The following LTN1 variants were observed in gnomAD, a reference collection of about 807,000 sequenced individuals.
LTN1 encodes the protein listerin E3 ubiquitin protein ligase 1, also known as E3 ubiquitin-protein ligase listerin.
LTN1 carries 88 observed loss-of-function variants against 201.2 expected under a neutral mutation model. That is an observed-to-expected ratio of 0.44 (90% CI 0.37 to 0.52). The LOEUF (loss-of-function observed/expected upper bound fraction) is 0.52. LTN1 is among the 20% of genes least tolerant of loss of function. The pLI is 0.00. For missense variants in LTN1, 1,752 were observed against 2,038.7 expected, an observed-to-expected ratio of 0.86 and a Z score of 2.71; for synonymous variants, 645 against 713.5, an observed-to-expected ratio of 0.90 and a Z score of 1.53.
intron 6 of LTN1, among the ~76,000 whole-genome samples, chr21:28,976,544 G>A (rs1331358206): frequency 6.7e-6 from 1 of 149,710 alleles, no homozygotes; most frequent in Non-Finnish European, 1.5e-5. Context: ...AGGTTGCAGT[G>A]AGCCAAGATG....
chr21:28,984,563 G>A, intron 4 of LTN1, 129 bp downstream of exon 4: 1 of 569,634 alleles, frequency 1.8e-6, no homozygotes, highest in Non-Finnish European at 3.0e-6. Flanking sequence ...TTTTAAAAAG[G>A]CAACCTTCAG....
Position 28,972,619 on chromosome 21 carries a change from C to T in LTN1, c.811-1175G>A, listed in dbSNP as rs184230910. Among the ~76,000 whole-genome samples, 133 of 152,090 alleles carry T rather than the reference C, an allele frequency of 8.7e-4. 1 individual carries two copies. Among genetic ancestry groups the T allele is most frequent in the Non-Finnish European group, 1.5e-3 (105 of 68,008 alleles). Reference sequence around the variant, plus strand: ...AGAAGACCGAGCAAAAGAAATTATCCGCAAAGCATCATGGAGAGACAAAAA... The same window carrying T: ...AGAAGACCGAGCAAAAGAAATTATCTGCAAAGCATCATGGAGAGACAAAAA... On this transcript the variant is annotated intron_variant, in intron 6 of 29. Transcript: ENST00000361371.
intron 6 of LTN1, among the ~76,000 whole-genome samples, chr21:28,971,717 G>A (rs1382396056): frequency 1.3e-5 from 2 of 152,090 alleles, no homozygotes; most frequent in Non-Finnish European, 2.9e-5. Flanking sequence ...GCCTTCATTT[G>A]GGGCCTCCAT....
At chr21:28,992,546 G>A (rs1292460608) in intron 1 of LTN1, among the ~76,000 whole-genome samples, 2 of 152,208 alleles carry the variant, frequency 1.3e-5, no homozygotes, top group Non-Finnish European at 2.9e-5. Flanking sequence ...GATGAGGACA[G>A]CTCTGGCATG....
chr21:28,946,490 C>A (rs1247506821), intron 19 of LTN1, among the ~76,000 whole-genome samples: 3 of 152,134 alleles, frequency 2.0e-5, no homozygotes, highest in African/African-American at 7.2e-5. Flanking sequence ...CAGCACCTAG[C>A]ACACAATAGA....
chr21:28,971,439 G>C lies in LTN1; in HGVS notation c.816C>G (p.Arg272=), dbSNP rs2084574150. The change falls in exon 7 of 30, where the codon CGC becomes CGG. Residue 272 remains arginine (R), a synonymous_variant. Coordinates refer to ENST00000361371, the MANE Select transcript of LTN1 (RefSeq NM_015565.3). ...CAGAGACTAACTCAAAATAAGCTGA[G>C]CGAATCTAAAAGAATGCAAAGCTGA... is the stretch of plus-strand genomic sequence containing the variant. ...KYGKHSVPQI[R]SAYFELVSAL... is the part of the protein sequence containing the mutation. 1 of 1,612,038 alleles carries C rather than the reference G, an allele frequency of 6.2e-7. No homozygotes were observed. Among genetic ancestry groups the C allele is most frequent in the African/African-American group, 1.3e-5 (1 of 74,852 alleles).
chr21:28,947,612 T>TA lies in LTN1; in HGVS notation c.3345-7dup. ...CTTCAGTTAGTGGAAAAAAACTGTT[T>TA]AAAGAAAAAAAAAACACAAGTTAGA... On this transcript the variant is annotated splice_polypyrimidine_tract_variant and splice_region_variant and intron_variant, in intron 18 of 29. Transcript: ENST00000361371. The TA allele has an allele frequency of 2.6e-6, 4 of 1,530,970 alleles. No homozygotes were observed. Among genetic ancestry groups the TA allele is most frequent in the South Asian group, 1.3e-5 (1 of 77,804 alleles). 94.8% of individuals were successfully genotyped at this position (1,530,970 alleles called of 1,614,324 possible). A position where few individuals can be genotyped will look rare whatever the true frequency, so the allele number is the denominator to read the frequency against.
intron 28 of LTN1, among the ~76,000 whole-genome samples, chr21:28,932,024 T>C (rs899330420): frequency 4.6e-5 from 7 of 152,168 alleles, no homozygotes; most frequent in African/African-American, 1.7e-4. Flanking sequence ...TTTTCTTTAT[T>C]GTAGAATGCC....
intron 18 of LTN1, among the ~76,000 whole-genome samples, chr21:28,949,437 T>C (rs1424853036): frequency 6.6e-6 from 1 of 152,226 alleles, no homozygotes; most frequent in Non-Finnish European, 1.5e-5. Flanking sequence ...CACACTATTG[T>C]GCAACTAATC....
In LTN1 at chr21:28,928,342, T is replaced by C. The variant is rs1223722437; in HGVS notation, c.*2106A>G. 6.6e-6 allele frequency: 1 copy of C among 152,558 alleles called. No individual in the cohort carries two copies. The highest frequency in any genetic ancestry group is 2.4e-5 in the African/African-American group (1 of 41,436). 9.5% of individuals were successfully genotyped at this position (152,558 alleles called of 1,614,324 possible). A position where few individuals can be genotyped will look rare whatever the true frequency, so the allele number is the denominator to read the frequency against. ...TAATTACTTGCACCACAAAAATGTA[T>C]CAAATAACAACATATTATTTAAGCC... On this transcript the variant is annotated 3_prime_UTR_variant, in exon 30 of 30. Coordinates refer to ENST00000361371, the MANE Select transcript of LTN1 (RefSeq NM_015565.3).
At chr21:28,948,862 A>C (rs2084361835) in intron 18 of LTN1, among the ~76,000 whole-genome samples, 1 of 152,194 alleles carries the variant, frequency 6.6e-6, no homozygotes, top group South Asian at 2.1e-4. Context: ...AGAAGATACT[A>C]TTCTGTGTAT....
intron 11 of LTN1, among the ~76,000 whole-genome samples, chr21:28,962,801 A>G (rs940282668): frequency 1.3e-5 from 2 of 152,242 alleles, no homozygotes; most frequent in Non-Finnish European, 2.9e-5. Flanking sequence ...TTGTGAATGC[A>G]AAGGAAAAGT....
At chr21:28,962,260 T>G (rs2084485232) in intron 11 of LTN1, among the ~76,000 whole-genome samples, 1 of 152,206 alleles carries the variant, frequency 6.6e-6, no homozygotes, top group Admixed American at 6.5e-5. Context: ...GGCTTAATAT[T>G]TACTGGGCTT....
chr21:28,952,138 A>G (rs780392278), intron 18 of LTN1, 22 bp downstream of exon 18: 1 of 1,462,934 alleles, frequency 6.8e-7, no homozygotes, highest in Non-Finnish European at 9.4e-7. Context: ...CTACAAAGTA[A>G]AAACATTTTA....
At chr21:28,989,114 GTAGT>G (rs2084725355) in intron 1 of LTN1, among the ~76,000 whole-genome samples, 2 of 152,288 alleles carry the variant, frequency 1.3e-5, no homozygotes, top group African/African-American at 4.8e-5. Context: ...CACAAAGGAA[GTAGT>G]TAGTGAATTA....
At chr21:28,974,965 C>T (rs1568854081) in intron 6 of LTN1, among the ~76,000 whole-genome samples, 1 of 151,634 alleles carries the variant, frequency 6.6e-6, no homozygotes, top group Non-Finnish European at 1.5e-5. Context: ...TGGGTCTAAT[C>T]AAGTTAACTG....
At chr21:28,959,076 CTATTT>C (rs1328865776) in intron 13 of LTN1, among the ~76,000 whole-genome samples, 1 of 152,102 alleles carries the variant, frequency 6.6e-6, no homozygotes, top group Non-Finnish European at 1.5e-5. Flanking sequence ...AATTTCAATT[CTATTT>C]TGATATACAC....
chr21:28,964,899 T>A, intron 11 of LTN1: 1 of 1,219,434 alleles, frequency 8.2e-7, no homozygotes, highest in Non-Finnish European at 1.1e-6. Flanking sequence ...GAGAAGGCAC[T>A]AGATAAACTA....
chr21:28,971,638 G>C lies in LTN1; in HGVS notation c.811-194C>G, dbSNP rs1446164713. 4.6e-5 allele frequency among the ~76,000 whole-genome samples: 7 copies of C among 152,142 alleles called. No homozygotes were observed. In the East Asian group the frequency reaches 1.3e-3, roughly 29 times the overall value. ...AGGAATTACCAAGGCAAAAGTGAAGGCTGAAAGAATTAATTCAACTTTCTC... is the reference window on the plus strand; with the variant it reads ...AGGAATTACCAAGGCAAAAGTGAAGCCTGAAAGAATTAATTCAACTTTCTC... On this transcript the variant is annotated intron_variant, in intron 6 of 29. Coordinates refer to ENST00000361371, the MANE Select transcript of LTN1 (RefSeq NM_015565.3).
Sources: allele counts gnomAD v4.1 joint callset (sites outside exome capture counted in the v4.1 genomes callset), GRCh38; gene constraint gnomAD v4.1.1; transcripts MANE v1.5; gene names NCBI Gene and HGNC (gene_info 2026-07-23, HGNC 2026-07-21).